SGCD: variants seen among roughly 807,000 people sequenced by gnomAD.
SGCD encodes delta-sarcoglycan.
Under a neutral mutation model 36.6 loss-of-function variants are expected in SGCD, and 18 were observed. That is an observed-to-expected ratio of 0.49 (90% CI 0.34 to 0.73). The LOEUF is 0.73. Ranked by LOEUF, SGCD falls within the 30% of genes least tolerant of loss-of-function variation. SGCD has a pLI of 0.01. For missense variants in SGCD, 387 were observed against 346.7 expected (o/e 1.12, Z -0.92); for synonymous variants, 133 against 130.6 (o/e 1.02, Z -0.12).
intron 3 of SGCD, among the ~76,000 whole-genome samples, chr5:156,392,823 G>C (rs1466997987): frequency 6.6e-6 from 1 of 152,102 alleles, no homozygotes; most frequent in African/African-American, 2.4e-5. Context: ...CATTCTGCTG[G>C]TCGGTGGCCT....
chr5:156,507,500 C>A (rs935737987), intron 3 of SGCD, among the ~76,000 whole-genome samples: 3 of 152,144 alleles, frequency 2.0e-5, no homozygotes, highest in African/African-American at 4.8e-5. Context: ...TGTTTTAAAC[C>A]ACTAAGTTTT....
At chr5:156,061,258 G>C (rs879606667) in intron 1 of SGCD, among the ~76,000 whole-genome samples, 4 of 144,344 alleles carry the variant, frequency 2.8e-5, no homozygotes, top group Non-Finnish European at 6.2e-5. Context: ...TATTCTTCAA[G>C]GCTAAGAGAA....
In SGCD at chr5:156,314,497, G is replaced by A. The variant is rs553676293; in HGVS notation, c.-43-15037G>A. Among the ~76,000 whole-genome samples the A allele has an allele frequency of 5.3e-5, 8 of 151,958 alleles. No homozygotes were observed. In the East Asian group the frequency reaches 1.4e-3, roughly 26 times the overall value. On this transcript the variant is annotated intron_variant, in intron 3 of 9. Coordinates refer to the SGCD transcript ENST00000517913. ...ACCATCATTTTGGGTACAGTTTTCT[G>A]GTCTTCTCTCCATCTTTTATTCCAT...
At chr5:156,534,033 T>C (rs1757995087) in intron 4 of SGCD, among the ~76,000 whole-genome samples, 1 of 152,230 alleles carries the variant, frequency 6.6e-6, no homozygotes, top group Non-Finnish European at 1.5e-5. Context: ...TCAATCAATG[T>C]AACACTATAA....
upstream of SGCD, among the ~76,000 whole-genome samples, chr5:156,325,530 G>T (rs1767783898): frequency 6.6e-6 from 1 of 152,172 alleles, no homozygotes; most frequent in Non-Finnish European, 1.5e-5. Flanking sequence ...AGGGTTTATA[G>T]TCAGTAAGAT....
intron 7 of SGCD, among the ~76,000 whole-genome samples, chr5:156,670,706 G>A (rs1380099901): frequency 1.3e-5 from 2 of 152,112 alleles, no homozygotes; most frequent in African/African-American, 4.8e-5. Flanking sequence ...CCTCAATCCA[G>A]AACTTTCCAT....
the SGCD span, among the ~76,000 whole-genome samples, chr5:155,765,775 G>A: frequency 6.6e-6 from 1 of 152,086 alleles, no homozygotes; most frequent in African/African-American, 2.4e-5. Context: ...TGAAAATGCT[G>A]TGCTGGGATT....
intron 3 of SGCD, among the ~76,000 whole-genome samples, chr5:156,464,001 T>C (rs562197305): frequency 6.6e-6 from 1 of 152,268 alleles, no homozygotes; most frequent in East Asian, 1.9e-4. Flanking sequence ...ATGATGATGA[T>C]GAAAAACAAA....
intron 7 of SGCD, among the ~76,000 whole-genome samples, chr5:156,687,162 AG>A (rs557758223): frequency 3.9e-4 from 59 of 152,214 alleles, no homozygotes; most frequent in Non-Finnish European, 7.6e-4. Context: ...TAAGCAGAAA[AG>A]GCAGGGCAGG....
chr5:156,117,976 T>G (rs999162770), intron 2 of SGCD: 1 of 152,188 alleles, frequency 6.6e-6, no homozygotes, highest in Non-Finnish European at 1.5e-5. Flanking sequence ...TTTTCGCTGA[T>G]ATCAGTTATG....
intron 1 of SGCD, among the ~76,000 whole-genome samples, chr5:155,919,066 C>T (rs186078400): frequency 6.6e-6 from 1 of 152,192 alleles, no homozygotes; most frequent in Non-Finnish European, 1.5e-5. Flanking sequence ...TCTTATAAAA[C>T]GCTAGCCAGT....
chr5:156,554,214 G>A (rs924778940), intron 4 of SGCD, among the ~76,000 whole-genome samples: 1 of 152,082 alleles, frequency 6.6e-6, no homozygotes, highest in Admixed American at 6.6e-5. Context: ...AAATTAGCCA[G>A]GCATGTGGCG....
At chr5:156,132,458 CTT>C (rs573278623) in intron 3 of SGCD, among the ~76,000 whole-genome samples, 233 of 51,704 alleles carry the variant, frequency 4.5e-3, no homozygotes, top group African/African-American at 0.022. Flanking sequence ...CTTACCAAGT[CTT>C]TTTTTTTTTT....
rs201911983 is a variant in SGCD, at chr5:156,627,113, G to C, written c.503-20351G>C. Among the ~76,000 whole-genome samples the C allele has an allele frequency of 2.0e-5, 3 of 152,314 alleles. No individual in the cohort carries two copies. In the East Asian group the frequency reaches 5.8e-4, roughly 29 times the overall value. ...ATTGCCCTGTGGGAGAATGATTTTA[G>C]TGGGGTCCCTGGATCTCTAAAAGTT... On this transcript the variant is annotated intron_variant, in intron 6 of 8. Coordinates refer to ENST00000337851, the MANE Select transcript of SGCD (RefSeq NM_000337.6).
intron 3 of SGCD, among the ~76,000 whole-genome samples, chr5:156,288,816 C>G (rs910292689): frequency 6.6e-6 from 1 of 152,030 alleles, no homozygotes; most frequent in Non-Finnish European, 1.5e-5. Context: ...TGATTAAGTC[C>G]GTAGGATCTA....
chr5:156,705,976 T>C (rs531844832), intron 7 of SGCD, among the ~76,000 whole-genome samples: 18 of 152,330 alleles, frequency 1.2e-4, no homozygotes, highest in Non-Finnish European at 2.2e-4. Context: ...CCACCTGGTA[T>C]AATCATATTC....
At chr5:156,428,263 T>A (rs1414933532) in intron 3 of SGCD, among the ~76,000 whole-genome samples, 1 of 152,188 alleles carries the variant, frequency 6.6e-6, no homozygotes, top group Non-Finnish European at 1.5e-5. Context: ...TGATTTAAGC[T>A]AGGAGGTTTG....
At chr5:156,317,064 C>G (rs937412704) in intron 3 of SGCD, among the ~76,000 whole-genome samples, 7 of 152,046 alleles carry the variant, frequency 4.6e-5, no homozygotes, top group Admixed American at 4.6e-4. Context: ...ATAATTAAGT[C>G]ACTGGAAAAT....
At chr5:156,396,344 C>A (rs1451285022) in intron 3 of SGCD, among the ~76,000 whole-genome samples, 1 of 152,314 alleles carries the variant, frequency 6.6e-6, no homozygotes, top group East Asian at 1.9e-4. Context: ...AATTGTGGAG[C>A]ACATAAACTT....
Sources: gnomAD v4.1 joint callset for allele counts (sites outside exome capture counted in the v4.1 genomes callset) on GRCh38, gnomAD v4.1.1 for gene constraint, MANE v1.5 for transcripts, NCBI Gene and HGNC (gene_info 2026-07-23, HGNC 2026-07-21) for gene names.